CLNK: variants seen among roughly 807,000 people sequenced by gnomAD.
The protein encoded by CLNK is cytokine dependent hematopoietic cell linker, also known as cytokine-dependent hematopoietic cell linker.
A neutral mutation model predicts 68.6 loss-of-function variants in CLNK; 74 were observed. That is an observed-to-expected ratio of 1.08 (90% CI 0.89 to 1.31). The LOEUF (loss-of-function observed/expected upper bound fraction) is 1.31, where lower values mean the gene tolerates loss of function less well. CLNK is among the 50% of genes most tolerant of loss of function. CLNK has a pLI of 0.00. For missense variants in CLNK, 553 were observed against 515.3 expected (o/e 1.07, Z -0.71); for synonymous variants, 198 against 172.2 (o/e 1.15, Z -1.17).
At chr4:10,627,095 A>G (rs551728816) in intron 2 of CLNK, among the ~76,000 whole-genome samples, 9 of 152,344 alleles carry the variant, frequency 5.9e-5, no homozygotes, top group African/African-American at 2.2e-4. Flanking sequence ...CAAAAGACTT[A>G]AACTTTCCTT....
chr4:10,531,605 C>T, intron 12 of CLNK: 2 of 375,324 alleles, frequency 5.3e-6, no homozygotes, highest in South Asian at 4.0e-5. Context: ...CCACACCTGG[C>T]TAATTTTGTA....
chr4:10,666,413 T>G (rs951644933), intron 2 of CLNK, among the ~76,000 whole-genome samples: 1 of 152,252 alleles, frequency 6.6e-6, no homozygotes, highest in African/African-American at 2.4e-5. Flanking sequence ...TCATCCCCTT[T>G]GTGGTGCAAC....
chr4:10,627,622 G>T (rs1474100417), intron 2 of CLNK, among the ~76,000 whole-genome samples: 1 of 152,178 alleles, frequency 6.6e-6, no homozygotes, highest in Non-Finnish European at 1.5e-5. Context: ...GACAGAGAGA[G>T]ACAGGGTCAG....
chr4:10,567,422 T>C (rs565749006), intron 5 of CLNK, among the ~76,000 whole-genome samples: 1 of 152,306 alleles, frequency 6.6e-6, no homozygotes, highest in East Asian at 1.9e-4. Context: ...TTTTATATCA[T>C]ATGCAAAAAT....
At chr4:10,699,110 C>T in the CLNK span, among the ~76,000 whole-genome samples, 1 of 151,742 alleles carries the variant, frequency 6.6e-6, no homozygotes, top group African/African-American at 2.4e-5. Context: ...GGGTCTCTAG[C>T]TTGCTGATGG....
rs143969658 is a variant in CLNK, at chr4:10,552,077, C to T, written c.445+6330G>A. 4.3e-3 allele frequency among the ~76,000 whole-genome samples: 661 copies of T among 152,062 alleles called. 11 individuals carry two copies. Among genetic ancestry groups the T allele is most frequent in the African/African-American group, 0.015 (618 of 41,482 alleles). On this transcript the variant is annotated intron_variant, in intron 8 of 18. Coordinates refer to ENST00000226951, the MANE Select transcript of CLNK (RefSeq NM_052964.4). ...TTCACCGTGTTAGCCAGGATGGTCT[C>T]GATCTCCTGACCTCCTGATCTGCCC... is the stretch of plus-strand genomic sequence containing the variant.
intron 12 of CLNK, 123 bp from the exon 13 acceptor site, chr4:10,528,217 T>C (rs1718399718): frequency 4.9e-6 from 2 of 408,258 alleles, no homozygotes; most frequent in Non-Finnish European, 8.4e-6. Flanking sequence ...GTTAGCATAG[T>C]TCGTAGTTTT....
At chr4:10,642,007 T>C (rs61796796) in intron 2 of CLNK, among the ~76,000 whole-genome samples, 6,297 of 152,258 alleles carry the variant, frequency 0.041, 188 homozygotes, top group Middle Eastern at 0.099. Context: ...GAACTGTTAG[T>C]CCATTAAACC....
At chr4:10,509,652 G>T (rs186432722) in intron 16 of CLNK, among the ~76,000 whole-genome samples, 1 of 151,964 alleles carries the variant, frequency 6.6e-6, no homozygotes, top group East Asian at 1.9e-4. Flanking sequence ...AGCCTCCCAA[G>T]TGGCTGGGAT....
intron 14 of CLNK, among the ~76,000 whole-genome samples, chr4:10,525,182 A>G (rs549345683): frequency 6.6e-6 from 1 of 152,190 alleles, no homozygotes; most frequent in South Asian, 2.1e-4. Flanking sequence ...CTCCTGCCTC[A>G]GCCTCCCGAG....
intron 16 of CLNK, among the ~76,000 whole-genome samples, chr4:10,512,157 C>T (rs187061938): frequency 6.6e-6 from 1 of 152,128 alleles, no homozygotes; most frequent in Non-Finnish European, 1.5e-5. Context: ...ACCAAGTGAT[C>T]CCCATGTTTA....
At chr4:10,663,108 A>G (rs188699143) in intron 2 of CLNK, among the ~76,000 whole-genome samples, 4 of 152,308 alleles carry the variant, frequency 2.6e-5, no homozygotes, top group Admixed American at 2.0e-4. Flanking sequence ...CAAGGTTCTT[A>G]TCAGTCCTGT....
the CLNK span, among the ~76,000 whole-genome samples, chr4:10,725,770 G>A: frequency 6.6e-6 from 1 of 151,924 alleles, no homozygotes; most frequent in Non-Finnish European, 1.5e-5. Flanking sequence ...CAGGAGAATG[G>A]CGTGAACCCG....
At chr4:10,671,152 G>T (rs558188514) in intron 1 of CLNK, among the ~76,000 whole-genome samples, 134 of 152,208 alleles carry the variant, frequency 8.8e-4, no homozygotes, top group African/African-American at 3.2e-3. Context: ...TTGGGAGGCC[G>T]AGGCGACTGG....
chr4:10,566,251 G>A (rs1720109723), intron 5 of CLNK, 101 bp from the exon 6 acceptor site: 1 of 1,107,286 alleles, frequency 9.0e-7, no homozygotes. Context: ...CTTCTTAGCT[G>A]CAAGTTAAAT....
intron 13 of CLNK, among the ~76,000 whole-genome samples, chr4:10,527,240 A>G (rs1718357147): frequency 6.6e-6 from 1 of 152,200 alleles, no homozygotes; most frequent in African/African-American, 2.4e-5. Flanking sequence ...CGGAAAGGGC[A>G]TGGTTTCAGT....
At chr4:10,724,090 A>T in the CLNK span, among the ~76,000 whole-genome samples, 1 of 152,196 alleles carries the variant, frequency 6.6e-6, no homozygotes, top group Non-Finnish European at 1.5e-5. Flanking sequence ...TGCTCTCAGC[A>T]TAAGTCCTTA....
the CLNK span, among the ~76,000 whole-genome samples, chr4:10,694,821 C>T: frequency 6.6e-6 from 1 of 152,156 alleles, no homozygotes; most frequent in Non-Finnish European, 1.5e-5. Flanking sequence ...CCTTCTGTAC[C>T]TGGCTTATTT....
intron 2 of CLNK, among the ~76,000 whole-genome samples, chr4:10,659,791 T>C (rs977023941): frequency 3.9e-5 from 6 of 152,358 alleles, no homozygotes; most frequent in Non-Finnish European, 7.4e-5. Context: ...GAATTCCTTT[T>C]TTTTTCCTTT....
Sources: allele counts gnomAD v4.1 joint callset (sites outside exome capture counted in the v4.1 genomes callset), GRCh38; gene constraint gnomAD v4.1.1; transcripts MANE v1.5; gene names NCBI Gene and HGNC (gene_info 2026-07-23, HGNC 2026-07-21).